Variants in XPO5 observed in about 807,000 individuals in gnomAD.
The protein encoded by XPO5 is exportin 5.
XPO5 carries 46 observed loss-of-function variants against 160.6 expected under a neutral mutation model. The observed-to-expected ratio is 0.29, with a 90% CI of 0.23 to 0.37. The LOEUF (loss-of-function observed/expected upper bound fraction) is 0.37, where lower values mean the gene tolerates loss of function less well. Among genes scored for constraint, XPO5 ranks in the 10% least tolerant of loss-of-function variants. The probability of loss-of-function intolerance (pLI) is 1.00; values close to 1 mark genes in which losing one functional copy is unlikely to be tolerated. For synonymous variants in XPO5, 537 were observed against 519.3 expected, an observed-to-expected ratio of 1.03 and a Z score of -0.46; for missense variants, 1,090 against 1,463.9, an observed-to-expected ratio of 0.74 and a Z score of 4.17.
intron 26 of XPO5, chr6:43,527,176 A>G (rs576094667): frequency 7.5e-4 from 159 of 213,120 alleles, no homozygotes; most frequent in African/African-American, 3.4e-3. Context: ...TTGTTTCCCC[A>G]TATTCAGCTT....
intron 26 of XPO5, 162 bp downstream of exon 26, chr6:43,527,472 C>T (rs891816027): frequency 2.0e-5 from 13 of 645,600 alleles, no homozygotes; most frequent in Admixed American, 5.8e-5. Flanking sequence ...CAGGGTTTCA[C>T]CATGTTGGCC....
At chr6:43,540,288 G>A (rs1177350268) in intron 20 of XPO5, among the ~76,000 whole-genome samples, 1 of 152,138 alleles carries the variant, frequency 6.6e-6, no homozygotes, top group Non-Finnish European at 1.5e-5. Context: ...GATCATCCTG[G>A]CTAATACGGT....
intron 21 of XPO5, among the ~76,000 whole-genome samples, chr6:43,531,902 C>CT (rs1486174375): frequency 6.6e-6 from 1 of 152,214 alleles, no homozygotes; most frequent in East Asian, 1.9e-4. Flanking sequence ...TATGAAACCC[C>CT]TTTTTTAAGC....
In XPO5 at chr6:43,530,723, T is replaced by TTCA; in HGVS notation, c.2639_2641dup (p.Leu880_Asn881insMet). ...TCTGAGTCGGTAGTCAGGAATATTG[T>TTCA]TCAAGTTGACAAAGGCTGAGCTGAG... is the stretch of plus-strand genomic sequence containing the variant. On this transcript the variant is annotated inframe_insertion, in exon 23 of 32. Transcript: ENST00000265351. 1 of 1,614,004 alleles carries TTCA rather than the reference T, an allele frequency of 6.2e-7. No homozygotes were observed. Among genetic ancestry groups the TTCA allele is most frequent in the Non-Finnish European group, 8.5e-7 (1 of 1,179,902 alleles).
At chr6:43,533,820 G>A (rs1319970458) in intron 21 of XPO5, 87 bp downstream of exon 21, 1 of 988,260 alleles carries the variant, frequency 1.0e-6, no homozygotes. Flanking sequence ...GGGTGACAGA[G>A]ACTATGACTC....
Position 43,526,012 on chromosome 6 carries a change from C to T in XPO5, c.2984-91G>A, listed in dbSNP as rs1793564606. The T allele has an allele frequency of 5.5e-6, 8 of 1,450,748 alleles. No individual in the cohort carries two copies. The South Asian group carries it at 8.6e-5, about 16-fold the overall frequency. 89.9% of individuals were successfully genotyped at this position (1,450,748 alleles called of 1,614,324 possible). A position where few individuals can be genotyped will look rare whatever the true frequency, so the allele number is the denominator to read the frequency against. On this transcript the variant is annotated intron_variant, in intron 27 of 31. Transcript: ENST00000265351. ...CAGAAGCGCAAAAAACAAAGCAAAG[C>T]TGAGTGTTCTAGGCTAAGTGGTGGC...
At chr6:43,531,624 TCAATTGGCCA>T (rs889321218) in intron 21 of XPO5, 49 bp from the exon 22 acceptor site, 32 of 1,507,738 alleles carry the variant, frequency 2.1e-5, no homozygotes, top group Non-Finnish European at 2.7e-5. Flanking sequence ...GTCAGGAGTC[TCAATTGGCCA>T]ACACTCTACA....
At position 43,523,200 on chromosome 6, in the gene XPO5, C is replaced by CT. The variant is rs1793304959; in HGVS notation, c.*667dup. ...GTGAACTCTAAAGGGGATGTTAGCACTAAAGACTTCCCAGCCCTGGTCCTT... is the reference window on the plus strand; with the variant it reads ...GTGAACTCTAAAGGGGATGTTAGCACTTAAAGACTTCCCAGCCCTGGTCCTT... On this transcript the variant is annotated 3_prime_UTR_variant, in exon 32 of 32. Transcript: ENST00000265351. The CT allele has an allele frequency of 1.2e-5, 2 of 171,478 alleles. No homozygotes were observed. Among genetic ancestry groups the CT allele is most frequent in the South Asian group, 2.7e-4 (2 of 7,480 alleles). 10.6% of individuals were successfully genotyped at this position (171,478 alleles called of 1,614,324 possible). A position where few individuals can be genotyped will look rare whatever the true frequency, so the allele number is the denominator to read the frequency against.
chr6:43,527,365 G>A (rs771518074), intron 26 of XPO5: 19 of 282,652 alleles, frequency 6.7e-5, no homozygotes, highest in Admixed American at 1.5e-4. Context: ...TCCGCCTCCC[G>A]GGTTCAAGCG....
At chr6:43,546,885 C>T (rs924622500) in intron 19 of XPO5, 133 bp from the exon 20 acceptor site, 37 of 883,642 alleles carry the variant, frequency 4.2e-5, no homozygotes, top group Non-Finnish European at 5.3e-5. Flanking sequence ...CTCTGCTCCC[C>T]GGCAATCCCC....
chr6:43,533,076 A>G (rs1288376719), intron 21 of XPO5, among the ~76,000 whole-genome samples: 1 of 152,188 alleles, frequency 6.6e-6, no homozygotes, highest in Non-Finnish European at 1.5e-5. Flanking sequence ...CAGAGGTTGC[A>G]GTGAGCTGAG....
At chr6:43,574,024 TTCA>T (rs961991061) in intron 1 of XPO5, among the ~76,000 whole-genome samples, 1 of 151,914 alleles carries the variant, frequency 6.6e-6, no homozygotes, top group Non-Finnish European at 1.5e-5. Flanking sequence ...GAAACAAGGT[TTCA>T]TCATGTTGAC....
Position 43,528,142 on chromosome 6 carries a change from G to A in XPO5, c.2822+17C>T, listed in dbSNP as rs765392404. ...TGCCAGTTCATCCACCAAGAAGAGT[G>A]GGTAGGTATCCCTTACCACAGCAGG... On this transcript the variant is annotated intron_variant, in intron 25 of 31. Transcript: ENST00000265351. The A allele has an allele frequency of 1.3e-5, 21 of 1,584,300 alleles. No individual in the cohort carries two copies. The East Asian group carries it at 4.6e-4, about 34-fold the overall frequency.
intron 20 of XPO5, among the ~76,000 whole-genome samples, chr6:43,543,620 C>G (rs1437856579): frequency 1.3e-5 from 2 of 152,062 alleles, no homozygotes; most frequent in African/African-American, 4.8e-5. Flanking sequence ...CACACACTCA[C>G]AAGTTAAGCC....
chr6:43,526,481 C>T, intron 27 of XPO5: 1 of 591,600 alleles, frequency 1.7e-6, no homozygotes, highest in Non-Finnish European at 3.0e-6. Context: ...GGGAGGAAAT[C>T]ATCTGAGACA....
chr6:43,544,856 A>C (rs945031639), intron 20 of XPO5, among the ~76,000 whole-genome samples: 1 of 152,030 alleles, frequency 6.6e-6, no homozygotes, highest in African/African-American at 2.4e-5. Context: ...TTTAGAAATC[A>C]AAAGAAAATA....
At chr6:43,544,931 GGC>G (rs1794890792) in intron 20 of XPO5, among the ~76,000 whole-genome samples, 1 of 152,088 alleles carries the variant, frequency 6.6e-6, no homozygotes, top group African/African-American at 2.4e-5. Flanking sequence ...GGAGTGCAGT[GGC>G]GTGATCTTAG....
chr6:43,546,473 A>T (rs896336948), intron 20 of XPO5, 98 bp downstream of exon 20: 3 of 1,202,186 alleles, frequency 2.5e-6, no homozygotes, highest in African/African-American at 1.6e-5. Flanking sequence ...ATCCCTCATT[A>T]ATACCACTAA....
intron 20 of XPO5, among the ~76,000 whole-genome samples, chr6:43,537,395 T>C (rs1395315500): frequency 6.6e-6 from 1 of 152,188 alleles, no homozygotes; most frequent in East Asian, 1.9e-4. Flanking sequence ...GATTATCTGC[T>C]AAAAAACTGA....
Sources: gnomAD v4.1 joint callset for allele counts (sites outside exome capture counted in the v4.1 genomes callset) on GRCh38, gnomAD v4.1.1 for gene constraint, MANE v1.5 for transcripts, NCBI Gene and HGNC (gene_info 2026-07-23, HGNC 2026-07-21) for gene names.